Variants in PLCL2 observed in about 807,000 individuals in gnomAD.
PLCL2 encodes the protein phospholipase C like 2, also known as inactive phospholipase C-like protein 2.
Under a neutral mutation model 79.6 loss-of-function variants are expected in PLCL2, and 4 were observed. The ratio of observed to expected loss-of-function variants is 0.05; its 90% confidence interval spans 0.02 to 0.11. The LOEUF is 0.11. Ranked by LOEUF, PLCL2 falls within the 10% of genes least tolerant of loss-of-function variation. The probability of loss-of-function intolerance (pLI) is 1.00; values close to 1 mark genes in which losing one functional copy is unlikely to be tolerated. For missense variants in PLCL2, 895 were observed against 1,291.0 expected (o/e 0.69, Z 4.70); for synonymous variants, 484 against 457.7 (o/e 1.06, Z -0.73).
chr3:17,020,016 T>A (rs1224558658), intron 3 of PLCL2, among the ~76,000 whole-genome samples: 1 of 152,194 alleles, frequency 6.6e-6, no homozygotes, highest in East Asian at 1.9e-4. Flanking sequence ...GCATCTCCTC[T>A]CCCCCATCAA....
chr3:17,043,050 A>T (rs1367645097), intron 4 of PLCL2, 101 bp downstream of exon 4: 1 of 769,674 alleles, frequency 1.3e-6, no homozygotes, highest in East Asian at 2.5e-5. Flanking sequence ...AAGAAAATCA[A>T]ATAAGAAAAT....
At chr3:16,991,894 T>C (rs2064108647) in intron 1 of PLCL2, among the ~76,000 whole-genome samples, 1 of 152,180 alleles carries the variant, frequency 6.6e-6, no homozygotes, top group Admixed American at 6.5e-5. Context: ...CCCAAGTGAA[T>C]TTTACCATCA....
At chr3:16,892,836 G>A (rs1696382935) in intron 1 of PLCL2, among the ~76,000 whole-genome samples, 1 of 152,162 alleles carries the variant, frequency 6.6e-6, no homozygotes, top group Non-Finnish European at 1.5e-5. Flanking sequence ...CAAGGTTTGG[G>A]AATTTCCAAG....
chr3:17,084,233 A>G (rs992601168), intron 5 of PLCL2, among the ~76,000 whole-genome samples: 7 of 152,234 alleles, frequency 4.6e-5, no homozygotes, highest in Non-Finnish European at 7.3e-5. Flanking sequence ...CAAAACTCAT[A>G]TGAGAAGAAA....
intron 1 of PLCL2, among the ~76,000 whole-genome samples, chr3:16,923,071 A>G (rs914209842): frequency 1.4e-4 from 22 of 152,226 alleles, no homozygotes; most frequent in African/African-American, 5.3e-4. Flanking sequence ...TTTAAGTGTC[A>G]AAATAAGCTC....
At chr3:16,938,682 A>C (rs1254976802) in intron 1 of PLCL2, among the ~76,000 whole-genome samples, 1 of 152,254 alleles carries the variant, frequency 6.6e-6, no homozygotes, top group Non-Finnish European at 1.5e-5. Flanking sequence ...CCAGGATGTC[A>C]TAGCTGGAAG....
At chr3:16,976,183 C>T (rs751896938) in intron 1 of PLCL2, among the ~76,000 whole-genome samples, 7 of 152,040 alleles carry the variant, frequency 4.6e-5, no homozygotes, top group African/African-American at 7.2e-5. Flanking sequence ...AAAACAGAAC[C>T]AATATGATAT....
chr3:16,990,099 G>GA (rs2064088574), intron 1 of PLCL2, among the ~76,000 whole-genome samples: 1 of 149,796 alleles, frequency 6.7e-6, no homozygotes, highest in Admixed American at 6.7e-5. Context: ...ATATAGGAGA[G>GA]AATGATGAGG....
At chr3:17,040,121 C>CT (rs988547972) in intron 3 of PLCL2, among the ~76,000 whole-genome samples, 2 of 151,986 alleles carry the variant, frequency 1.3e-5, no homozygotes, top group African/African-American at 4.8e-5. Flanking sequence ...AGCAATTGTT[C>CT]TTTTTTTTAT....
chr3:17,084,284 A>G (rs752378778), intron 5 of PLCL2, among the ~76,000 whole-genome samples: 7 of 152,228 alleles, frequency 4.6e-5, no homozygotes, highest in Non-Finnish European at 8.8e-5. Flanking sequence ...AGGAAATCAA[A>G]TCAATAATTA....
intron 5 of PLCL2, among the ~76,000 whole-genome samples, chr3:17,073,313 T>C (rs899876618): frequency 1.3e-5 from 2 of 152,346 alleles, no homozygotes; most frequent in South Asian, 2.1e-4. Flanking sequence ...TATAATGTAG[T>C]CTATTAAGTG....
intron 1 of PLCL2, among the ~76,000 whole-genome samples, chr3:16,889,566 CATT>C (rs1253512853): frequency 6.6e-5 from 10 of 152,148 alleles, no homozygotes; most frequent in African/African-American, 2.2e-4. Context: ...TTCTTAGTAT[CATT>C]ATTGCCATTG....
At chr3:17,021,541 G>A (rs138444606) in intron 3 of PLCL2, among the ~76,000 whole-genome samples, 74 of 151,394 alleles carry the variant, frequency 4.9e-4, no homozygotes, top group African/African-American at 1.7e-3. Flanking sequence ...CAGTTTTCTA[G>A]CTTAACATGT....
intron 5 of PLCL2, among the ~76,000 whole-genome samples, chr3:17,069,852 C>G (rs928489514): frequency 6.6e-6 from 1 of 152,118 alleles, no homozygotes; most frequent in Non-Finnish European, 1.5e-5. Flanking sequence ...TTCTTATATA[C>G]CTATTTTGCT....
intron 1 of PLCL2, among the ~76,000 whole-genome samples, chr3:16,989,813 A>T (rs981020467): frequency 3.3e-5 from 5 of 152,192 alleles, no homozygotes; most frequent in Non-Finnish European, 2.9e-5. Context: ...TAGCCCTTTA[A>T]TTGGCCCATT....
intron 4 of PLCL2, among the ~76,000 whole-genome samples, 190 bp downstream of exon 4, chr3:17,043,139 A>C (rs750368791): frequency 1.4e-4 from 22 of 152,190 alleles, no homozygotes; most frequent in African/African-American, 2.2e-4. Flanking sequence ...GGGACCATTC[A>C]AAATACATTA....
intron 2 of PLCL2, among the ~76,000 whole-genome samples, chr3:17,012,466 A>G (rs2124890926): frequency 6.6e-6 from 1 of 152,272 alleles, no homozygotes; most frequent in Non-Finnish European, 1.5e-5. Flanking sequence ...ATACATGGGA[A>G]TCTCTGGGAT....
intron 1 of PLCL2, among the ~76,000 whole-genome samples, chr3:16,975,777 T>C (rs2063919653): frequency 6.6e-6 from 1 of 152,180 alleles, no homozygotes; most frequent in African/African-American, 2.4e-5. Flanking sequence ...ACTGAAATCC[T>C]CTGAGTGCAT....
intron 1 of PLCL2, among the ~76,000 whole-genome samples, chr3:16,923,428 G>A (rs1057049790): frequency 3.9e-5 from 6 of 152,244 alleles, no homozygotes; most frequent in Non-Finnish European, 8.8e-5. Flanking sequence ...GGGTTGCACA[G>A]GCAGAGGCTT....
Sources: allele counts gnomAD v4.1 joint callset (sites outside exome capture counted in the v4.1 genomes callset), GRCh38; gene constraint gnomAD v4.1.1; transcripts MANE v1.5; gene names NCBI Gene and HGNC (gene_info 2026-07-23, HGNC 2026-07-21).